ETNK1: variants seen among roughly 807,000 people sequenced by gnomAD.
ETNK1 encodes ethanolamine kinase 1, also known as putative protein product of Nbla10396.
Under a neutral mutation model 45.1 loss-of-function variants are expected in ETNK1, and 8 were observed. The observed-to-expected ratio is 0.18, with a 90% confidence interval of 0.10 to 0.32. ETNK1 has a LOEUF of 0.32. Among genes scored for constraint, ETNK1 ranks in the 10% least tolerant of loss-of-function variants. The pLI is 1.00. For synonymous variants in ETNK1, 152 were observed against 151.9 expected (o/e 1.00, Z -0.01); for missense variants, 302 against 430.6 (o/e 0.70, Z 2.64).
chr12:22,636,451 A>G (rs1311541018), intron 1 of ETNK1, among the ~76,000 whole-genome samples: 2 of 152,108 alleles, frequency 1.3e-5, no homozygotes, highest in Non-Finnish European at 2.9e-5. Flanking sequence ...GGATACATGC[A>G]CATTTAGAAT....
At chr12:22,671,449 A>G (rs1370211332) in intron 5 of ETNK1, 94 bp downstream of exon 5, 19 of 832,384 alleles carry the variant, frequency 2.3e-5, no homozygotes, top group Admixed American at 1.0e-4. Context: ...AGCAGGGGGA[A>G]CATTTTCCCA....
At chr12:22,660,834 T>A (rs1389417396) in intron 3 of ETNK1, among the ~76,000 whole-genome samples, 1 of 152,152 alleles carries the variant, frequency 6.6e-6, no homozygotes, top group African/African-American at 2.4e-5. Context: ...GTGAGTTTTT[T>A]AACTTTTGTC....
At chr12:22,680,841 G>C (rs900019000) in intron 6 of ETNK1, among the ~76,000 whole-genome samples, 2 of 149,618 alleles carry the variant, frequency 1.3e-5, no homozygotes, top group Non-Finnish European at 3.0e-5. Flanking sequence ...TAGGTATATG[G>C]GTTATAAAAC....
intron 1 of ETNK1, among the ~76,000 whole-genome samples, chr12:22,636,851 C>G (rs2137524372): frequency 6.6e-6 from 1 of 152,190 alleles, no homozygotes; most frequent in African/African-American, 2.4e-5. Flanking sequence ...TGTGCAAATA[C>G]TACATCATTC....
intron 5 of ETNK1, among the ~76,000 whole-genome samples, chr12:22,672,968 C>T (rs1289239978): frequency 6.6e-6 from 1 of 152,052 alleles, no homozygotes; most frequent in East Asian, 1.9e-4. Context: ...GGGATAAATA[C>T]TGTTTTGTGA....
At chr12:22,650,048 T>G (rs1459451532) in intron 2 of ETNK1, among the ~76,000 whole-genome samples, 2 of 152,080 alleles carry the variant, frequency 1.3e-5, no homozygotes, top group Non-Finnish European at 2.9e-5. Flanking sequence ...GTATTGTATT[T>G]TTGGGGGTGT....
At chr12:22,650,973 G>C (rs1243087903) in intron 2 of ETNK1, among the ~76,000 whole-genome samples, 2 of 152,070 alleles carry the variant, frequency 1.3e-5, no homozygotes, top group African/African-American at 4.8e-5. Context: ...AATACCTGAG[G>C]TTGGTTGTTC....
At chr12:22,660,794 A>G (rs1953991923) in intron 3 of ETNK1, among the ~76,000 whole-genome samples, 1 of 152,108 alleles carries the variant, frequency 6.6e-6, no homozygotes, top group Non-Finnish European at 1.5e-5. Flanking sequence ...ACTATTACCT[A>G]TATATATTAC....
intron 2 of ETNK1, among the ~76,000 whole-genome samples, chr12:22,651,445 T>A (rs1311191370): frequency 6.6e-6 from 1 of 152,096 alleles, no homozygotes; most frequent in South Asian, 2.1e-4. Context: ...CAGCTTGAAT[T>A]TTCAGGCTGC....
intron 4 of ETNK1, 125 bp downstream of exon 4, chr12:22,661,330 G>A: frequency 8.1e-6 from 5 of 619,172 alleles, no homozygotes; most frequent in Non-Finnish European, 2.4e-6. Flanking sequence ...AACCTTTAAA[G>A]ATTTTCTTTT....
In ETNK1 at chr12:22,690,535, T is replaced by G. The variant is rs1416228537; in HGVS notation, c.*5581T>G. ...GTTTGTCTTTCAGTTCAAATATAAGTGATGTTTAGGCTTTATTTCTGTTAA... is the reference window on the plus strand; with the variant it reads ...GTTTGTCTTTCAGTTCAAATATAAGGGATGTTTAGGCTTTATTTCTGTTAA... On this transcript the variant is annotated 3_prime_UTR_variant, in exon 8 of 8. Transcript: ENST00000266517. 1 of 152,564 alleles carries G rather than the reference T, an allele frequency of 6.6e-6. No individual in the cohort carries two copies. The highest frequency in any genetic ancestry group is 1.5e-5 in the Non-Finnish European group (1 of 67,968). 9.5% of individuals were successfully genotyped at this position (152,564 alleles called of 1,614,324 possible).
chr12:22,668,671 C>T (rs1474736411), intron 4 of ETNK1, among the ~76,000 whole-genome samples: 4 of 152,138 alleles, frequency 2.6e-5, no homozygotes, highest in Admixed American at 2.0e-4. Flanking sequence ...GGAGGTTTAT[C>T]GCATCACTTG....
intron 1 of ETNK1, among the ~76,000 whole-genome samples, chr12:22,632,721 T>TA (rs1281130596): frequency 2.0e-5 from 3 of 152,100 alleles, no homozygotes; most frequent in Admixed American, 6.5e-5. Flanking sequence ...AGGCTGGTCT[T>TA]AAACTCCTGG....
intron 6 of ETNK1, 125 bp from the exon 7 acceptor site, chr12:22,684,358 T>A: frequency 1.5e-6 from 1 of 662,568 alleles, no homozygotes; most frequent in Non-Finnish European, 2.5e-6. Flanking sequence ...AGACGCTTTA[T>A]ATAAAAAGAA....
chr12:22,649,492 C>A (rs369310262), intron 2 of ETNK1, among the ~76,000 whole-genome samples: 2 of 152,016 alleles, frequency 1.3e-5, no homozygotes, highest in African/African-American at 4.8e-5. Flanking sequence ...CATTATATTT[C>A]CTATGCTCCT....
Position 22,637,492 on chromosome 12 carries a change from T to A in ETNK1, c.157-6271T>A, listed in dbSNP as rs184333274. Among the ~76,000 whole-genome samples the A allele has an allele frequency of 1.6e-3, 251 of 152,340 alleles. 1 individual carries two copies. The highest frequency in any genetic ancestry group is 5.6e-3 in the African/African-American group (232 of 41,578). On this transcript the variant is annotated intron_variant, in intron 1 of 7. Coordinates refer to ENST00000266517, the MANE Select transcript of ETNK1 (RefSeq NM_018638.5). Reference sequence around the variant, plus strand: ...AAATCTTATCCCCAAGTGTCATGTGTATGTGAAATAAATGAGGGCAAGATG... The same window carrying A: ...AAATCTTATCCCCAAGTGTCATGTGAATGTGAAATAAATGAGGGCAAGATG...
At chr12:22,652,013 T>G (rs1163355916) in intron 2 of ETNK1, among the ~76,000 whole-genome samples, 3 of 152,092 alleles carry the variant, frequency 2.0e-5, no homozygotes, top group Non-Finnish European at 4.4e-5. Flanking sequence ...ACAACAAATC[T>G]TCTTTCCTTC....
chr12:22,656,169 C>T (rs751516093), intron 2 of ETNK1, among the ~76,000 whole-genome samples: 1 of 152,092 alleles, frequency 6.6e-6, no homozygotes, highest in Non-Finnish European at 1.5e-5. Flanking sequence ...TTACTATAAG[C>T]TGAGTAACTG....
rs750719286 is a variant in ETNK1, at chr12:22,644,250, A to G, written c.416+228A>G. The G allele has an allele frequency of 4.4e-6, 7 of 1,608,448 alleles. No individual in the cohort carries two copies. The Admixed American group carries it at 8.4e-5, about 19-fold the overall frequency. ...CTCTTTGCAAAGGAAAAACTACAAGATGTTTTGGATTAACCGGCTGCAGAG... is the reference window on the plus strand; with the variant it reads ...CTCTTTGCAAAGGAAAAACTACAAGGTGTTTTGGATTAACCGGCTGCAGAG... On this transcript the variant is annotated intron_variant, in intron 2 of 7. Coordinates refer to ENST00000266517, the MANE Select transcript of ETNK1 (RefSeq NM_018638.5).
Sources: gnomAD v4.1 joint callset for allele counts (sites outside exome capture counted in the v4.1 genomes callset) on GRCh38, gnomAD v4.1.1 for gene constraint, MANE v1.5 for transcripts, NCBI Gene and HGNC (gene_info 2026-07-23, HGNC 2026-07-21) for gene names.